NDUFA10: variants seen among roughly 807,000 people sequenced by gnomAD.
NDUFA10 encodes the protein NADH dehydrogenase [ubiquinone] 1 alpha subcomplex subunit 10, mitochondrial.
In NDUFA10, 40 loss-of-function variants were observed where a neutral mutation model predicts 47.8. That is an observed-to-expected ratio of 0.84 (90% CI 0.65 to 1.09). NDUFA10 has a LOEUF of 1.09. NDUFA10 is among the 50% of genes least tolerant of loss of function. NDUFA10 has a pLI of 0.00. For missense variants in NDUFA10, 413 were observed against 451.1 expected (o/e 0.92, Z 0.76); for synonymous variants, 183 against 172.2 (o/e 1.06, Z -0.49).
At chr2:239,973,155 G>A (rs1031283634) in intron 9 of NDUFA10, among the ~76,000 whole-genome samples, 1 of 152,154 alleles carries the variant, frequency 6.6e-6, no homozygotes, top group African/African-American at 2.4e-5. Context: ...CAGGTGGCAG[G>A]GCACAAAGTG....
intron 5 of NDUFA10, chr2:240,012,069 C>T: frequency 3.0e-6 from 1 of 335,400 alleles, no homozygotes; most frequent in Admixed American, 4.1e-5. Context: ...GTCTGTCCGC[C>T]ATCTGTCCTC....
intron 4 of NDUFA10, among the ~76,000 whole-genome samples, chr2:239,900,982 A>G (rs773282221): frequency 4.6e-5 from 7 of 152,240 alleles, no homozygotes; most frequent in Non-Finnish European, 1.0e-4. Context: ...AGGTGGTTAC[A>G]CTAAACAACA....
At chr2:239,971,272 G>A (rs533413415) in intron 9 of NDUFA10, among the ~76,000 whole-genome samples, 12 of 152,274 alleles carry the variant, frequency 7.9e-5, no homozygotes, top group South Asian at 2.1e-4. Context: ...GCACCTCCCC[G>A]CCCAGGTACA....
At chr2:239,962,492 G>A (rs1406141498) in intron 9 of NDUFA10, among the ~76,000 whole-genome samples, 1 of 152,102 alleles carries the variant, frequency 6.6e-6, no homozygotes, top group Non-Finnish European at 1.5e-5. Flanking sequence ...CACAGGACAG[G>A]CAAAGCTCTA....
intron 4 of NDUFA10, among the ~76,000 whole-genome samples, chr2:239,904,141 C>T (rs977446510): frequency 6.6e-6 from 1 of 152,124 alleles, no homozygotes; most frequent in African/African-American, 2.4e-5. Flanking sequence ...GAAATTCAGG[C>T]TTTAGAGAAA....
intron 4 of NDUFA10, among the ~76,000 whole-genome samples, chr2:239,937,611 C>T (rs1298207240): frequency 6.6e-6 from 1 of 152,218 alleles, no homozygotes; most frequent in Non-Finnish European, 1.5e-5. Context: ...ATGTGGGCTG[C>T]TCCCACTTTT....
intron 3 of NDUFA10, among the ~76,000 whole-genome samples, chr2:240,019,953 T>C (rs927963747): frequency 1.3e-5 from 2 of 152,090 alleles, no homozygotes; most frequent in Non-Finnish European, 2.9e-5. Context: ...GCAGACCACA[T>C]TGTTTTCTTA....
chr2:240,000,126 T>A (rs1696644420), intron 8 of NDUFA10, among the ~76,000 whole-genome samples: 1 of 152,258 alleles, frequency 6.6e-6, no homozygotes, highest in Non-Finnish European at 1.5e-5. Flanking sequence ...ATGTTACTGC[T>A]TTAGGTTATT....
At position 240,021,403 on chromosome 2, in the gene NDUFA10, T is replaced by C. The variant is rs1434489005; in HGVS notation, c.254A>G (p.His85Arg). Reference protein sequence around the residue: ...KEIAEKLGFKHFPEAGIHYPD... With the variant: ...KEIAEKLGFKRFPEAGIHYPD... ...ATAATGAATCCCCGCTTCAGGAAAGTGCTTGAAGCCTGAAAAGAGAAACAG... is the reference window on the plus strand; with the variant it reads ...ATAATGAATCCCCGCTTCAGGAAAGCGCTTGAAGCCTGAAAAGAGAAACAG... The change falls in exon 3 of 10, where the codon CAC (histidine) becomes CGC (arginine). Residue 85 changes from histidine to arginine, a missense_variant. By Grantham distance (29) the His-to-Arg change is conservative. Coordinates refer to ENST00000252711, the MANE Select transcript of NDUFA10 (RefSeq NM_004544.4). 1.9e-6 allele frequency: 3 copies of C among 1,614,150 alleles called. No homozygotes were observed. Among genetic ancestry groups the C allele is most frequent in the Admixed American group, 1.7e-5 (1 of 60,024 alleles).
intron 8 of NDUFA10, among the ~76,000 whole-genome samples, chr2:239,996,557 G>C (rs2106455019): frequency 6.6e-6 from 1 of 152,354 alleles, no homozygotes; most frequent in South Asian, 2.1e-4. Flanking sequence ...GAAACTGACA[G>C]CACTGATGCA....
rs142452963 is a variant in NDUFA10 at position 239,900,315 on chromosome 2, CATATATATATATATATAT to C, written c.295-5019_295-5002del. On this transcript the variant is annotated intron_variant, in intron 4 of 5. Coordinates refer to the NDUFA10 transcript ENST00000419408. ...CAATACTCCTTAATGAACTCCCCTT[CATATATATATATATATAT>C]ATATATATATATATATATATATATA... Among the ~76,000 whole-genome samples, 23 of 142,736 alleles carry C rather than the reference CATATATATATATATATAT, an allele frequency of 1.6e-4. 1 individual carries two copies. The highest frequency in any genetic ancestry group is 3.1e-4 in the Non-Finnish European group (20 of 65,476). 93.6% of individuals were successfully genotyped at this position (142,736 alleles called of 152,430 possible). A position where few individuals can be genotyped will look rare whatever the true frequency, so the allele number is the denominator to read the frequency against.
chr2:239,959,544 T>C lies in NDUFA10; in HGVS notation c.*1574A>G. 1 of 985,454 alleles carries C rather than the reference T, an allele frequency of 1.0e-6. No homozygotes were observed. The highest frequency in any genetic ancestry group is 1.2e-6 in the Non-Finnish European group (1 of 829,942). 61.0% of individuals were successfully genotyped at this position (985,454 alleles called of 1,614,324 possible). A position where few individuals can be genotyped will look rare whatever the true frequency, so the allele number is the denominator to read the frequency against. On this transcript the variant is annotated 3_prime_UTR_variant, in exon 10 of 10. Coordinates refer to ENST00000252711, the MANE Select transcript of NDUFA10 (RefSeq NM_004544.4). ...TAAAGCTGTTGGTTTCCTAGTGAAA[T>C]GCAAAACTTCAGCCACTTAAATCTC...
chr2:240,013,481 A>T (rs900627621), intron 5 of NDUFA10: 3 of 152,262 alleles, frequency 2.0e-5, no homozygotes, highest in African/African-American at 7.2e-5. Context: ...AAAGGTGTCC[A>T]GTTAGTCCAC....
At chr2:239,956,135 C>T (rs900150573), downstream of NDUFA10, among the ~76,000 whole-genome samples, 6 of 152,214 alleles carry the variant, frequency 3.9e-5, no homozygotes, top group Non-Finnish European at 8.8e-5. Context: ...GCTAGCACAT[C>T]TGGACCCCTC....
intron 9 of NDUFA10, chr2:239,982,210 G>A: frequency 6.2e-7 from 1 of 1,612,768 alleles, no homozygotes; most frequent in Non-Finnish European, 8.5e-7. Flanking sequence ...TGCGGGTAGG[G>A]GATCCCCAGC....
Position 239,946,547 on chromosome 2 carries a change from T to A in NDUFA10, c.294+43527A>T, listed in dbSNP as rs1477637265. 2.0e-5 allele frequency among the ~76,000 whole-genome samples: 3 copies of A among 152,196 alleles called. No homozygotes were observed. In the East Asian group the frequency reaches 5.8e-4, roughly 29 times the overall value. Reference sequence around the variant, plus strand: ...TGCAATCACAAACACCCCCACACCGTTCAGGTATCCAGGTCAACACTCACG... The same window carrying A: ...TGCAATCACAAACACCCCCACACCGATCAGGTATCCAGGTCAACACTCACG... On this transcript the variant is annotated intron_variant, in intron 4 of 5. Coordinates refer to the NDUFA10 transcript ENST00000419408.
At chr2:239,933,515 T>G (rs1195496005) in intron 4 of NDUFA10, among the ~76,000 whole-genome samples, 1 of 96,918 alleles carries the variant, frequency 1.0e-5, no homozygotes, top group Non-Finnish European at 2.0e-5. Flanking sequence ...TTTTTTTTTG[T>G]TTTTTTGTTT....
chr2:239,934,567 G>A (rs1261749149), intron 4 of NDUFA10, among the ~76,000 whole-genome samples: 1 of 152,018 alleles, frequency 6.6e-6, no homozygotes, highest in Non-Finnish European at 1.5e-5. Context: ...AGGGTAATTC[G>A]CTTACCCATC....
Position 239,974,075 on chromosome 2 carries a change from C to T in NDUFA10, c.1000-12889G>A, listed in dbSNP as rs571295642. On this transcript the variant is annotated intron_variant, in intron 9 of 9. Transcript: ENST00000252711. ...CCGAGTAGGTGGGATTACAGGTGCT[C>T]GCCACCACGCCTGGCTAATTCTTGT... Among the ~76,000 whole-genome samples, 7 of 152,130 alleles carry T rather than the reference C, an allele frequency of 4.6e-5. No individual in the cohort carries two copies. The East Asian group carries it at 7.7e-4, about 17-fold the overall frequency.
Sources: gnomAD v4.1 joint callset for allele counts (sites outside exome capture counted in the v4.1 genomes callset) on GRCh38, gnomAD v4.1.1 for gene constraint, MANE v1.5 for transcripts, NCBI Gene and HGNC (gene_info 2026-07-23, HGNC 2026-07-21) for gene names.